The following PTPRR variants were observed in gnomAD, a reference collection of about 807,000 sequenced individuals.
PTPRR encodes the protein receptor-type tyrosine-protein phosphatase R.
In PTPRR, 38 loss-of-function variants were observed where a neutral mutation model predicts 77.2. The observed-to-expected ratio is 0.49, with a 90% CI of 0.38 to 0.65. PTPRR has a LOEUF of 0.65. Among genes scored for constraint, PTPRR ranks in the 30% least tolerant of loss-of-function variants. The pLI, the probability that PTPRR is intolerant of heterozygous loss-of-function variation, is 0.00. For synonymous variants in PTPRR, 299 were observed against 283.1 expected, an observed-to-expected ratio of 1.06 and a Z score of -0.57; for missense variants, 744 against 799.2, an observed-to-expected ratio of 0.93 and a Z score of 0.83.
At chr12:70,766,159 A>C (rs541847762) in intron 2 of PTPRR, among the ~76,000 whole-genome samples, 1 of 152,356 alleles carries the variant, frequency 6.6e-6, no homozygotes, top group South Asian at 2.1e-4. Context: ...ACAAAGCTGG[A>C]CAGAGAATGA....
rs1893352823 is a variant in PTPRR at position 70,892,391 on chromosome 12, GT to G, written c.357+287del. On this transcript the variant is annotated intron_variant, in intron 2 of 13. Coordinates refer to ENST00000283228, the MANE Select transcript of PTPRR (RefSeq NM_002849.4). ...GTACAAGATATAATCAACTATAATT[GT>G]AAGGCCTTCCTAAAGTAATCTTTTA... Among the ~76,000 whole-genome samples, 3 of 152,150 alleles carry G rather than the reference GT, an allele frequency of 2.0e-5. No homozygotes were observed. In the South Asian group the frequency reaches 6.2e-4, roughly 31 times the overall value.
chr12:70,706,570 C>A lies in PTPRR; in HGVS notation c.1008-5247G>T, dbSNP rs527301110. On this transcript the variant is annotated intron_variant, in intron 6 of 13. Coordinates refer to ENST00000283228, the MANE Select transcript of PTPRR (RefSeq NM_002849.4). ...ATTTTCCTACCTGAAAGGACCTACA[C>A]CTCACTAGGTAGAATGTTGCTATGC... Among the ~76,000 whole-genome samples, 6 of 152,168 alleles carry A rather than the reference C, an allele frequency of 3.9e-5. No individual in the cohort carries two copies. The South Asian group carries it at 8.3e-4, about 21-fold the overall frequency.
intron 2 of PTPRR, among the ~76,000 whole-genome samples, chr12:70,839,992 G>T (rs549840190): frequency 2.0e-5 from 3 of 152,138 alleles, no homozygotes; most frequent in Admixed American, 1.3e-4. Context: ...ACTGTCTGCC[G>T]CTGGATTCTG....
rs182696631 is a variant in PTPRR at position 70,805,775 on chromosome 12, G to A, written c.358-40997C>T. Among the ~76,000 whole-genome samples, 159 of 152,278 alleles carry A rather than the reference G, an allele frequency of 1.0e-3. 1 individual carries two copies. The highest frequency in any genetic ancestry group is 3.4e-3 in the African/African-American group (143 of 41,548). ...TCCCATTCTAAGGATGAGGAAATTC[G>A]GATGCATTGCTCAAGATTATATAGG... On this transcript the variant is annotated intron_variant, in intron 2 of 13. Coordinates refer to ENST00000283228, the MANE Select transcript of PTPRR (RefSeq NM_002849.4).
At position 70,765,548 on chromosome 12, in the gene PTPRR, C is replaced by A. The variant is rs546747054; in HGVS notation, c.358-770G>T. On this transcript the variant is annotated intron_variant, in intron 2 of 13. Transcript: ENST00000283228. ...GGAGCCCACCACAGCTCAAGGAGGC[C>A]TGCCTGCCTCTGTAGGCTCCACCTC... is the stretch of plus-strand genomic sequence containing the variant. Among the ~76,000 whole-genome samples, 391 of 152,344 alleles carry A rather than the reference C, an allele frequency of 2.6e-3. 2 individuals carry two copies. Among genetic ancestry groups the A allele is most frequent in the African/African-American group, 9.3e-3 (386 of 41,584 alleles).
intron 2 of PTPRR, among the ~76,000 whole-genome samples, chr12:70,807,100 C>T (rs1055692579): frequency 6.6e-6 from 1 of 152,156 alleles, no homozygotes; most frequent in African/African-American, 2.4e-5. Context: ...TTGTCTCTTT[C>T]CCCTTCCTTC....
chr12:70,654,498 G>A (rs2136660041), intron 13 of PTPRR, among the ~76,000 whole-genome samples: 1 of 152,240 alleles, frequency 6.6e-6, no homozygotes, highest in Non-Finnish European at 1.5e-5. Context: ...TCACGCCACT[G>A]CACTCCAGCT....
At chr12:70,722,577 T>G (rs1198340173) in intron 6 of PTPRR, among the ~76,000 whole-genome samples, 1 of 152,168 alleles carries the variant, frequency 6.6e-6, no homozygotes, top group Non-Finnish European at 1.5e-5. Flanking sequence ...CTTGACTTTG[T>G]GCTTAGCTTT....
At chr12:70,756,382 A>G (rs899732545) in intron 4 of PTPRR, among the ~76,000 whole-genome samples, 1 of 151,994 alleles carries the variant, frequency 6.6e-6, no homozygotes, top group African/African-American at 2.4e-5. Flanking sequence ...CTATATTTGT[A>G]CAGAGATCTA....
intron 10 of PTPRR, among the ~76,000 whole-genome samples, chr12:70,669,975 T>A (rs2136693764): frequency 6.6e-6 from 1 of 152,224 alleles, no homozygotes; most frequent in East Asian, 1.9e-4. Context: ...GTAATTAAAA[T>A]GAATATTTTC....
At chr12:70,752,890 C>T (rs563664212) in intron 5 of PTPRR, among the ~76,000 whole-genome samples, 57 of 152,276 alleles carry the variant, frequency 3.7e-4, no homozygotes, top group African/African-American at 1.1e-3. Context: ...GCCCAGAAGA[C>T]GCTGCCATAA....
chr12:70,746,150 C>A, intron 5 of PTPRR, 64 bp from the exon 6 acceptor site: 1 of 1,469,698 alleles, frequency 6.8e-7, no homozygotes, highest in Non-Finnish European at 9.2e-7. Flanking sequence ...GTATGATCTC[C>A]TCCACCCCAC....
At chr12:70,875,197 T>C (rs1335558947) in intron 2 of PTPRR, among the ~76,000 whole-genome samples, 1 of 152,124 alleles carries the variant, frequency 6.6e-6, no homozygotes, top group Non-Finnish European at 1.5e-5. Context: ...CCCTGGATAT[T>C]ACTGAGACAG....
At chr12:70,867,079 T>C (rs1206108992) in intron 2 of PTPRR, among the ~76,000 whole-genome samples, 1 of 149,888 alleles carries the variant, frequency 6.7e-6, no homozygotes, top group East Asian at 2.0e-4. Context: ...CCACAGCCAA[T>C]ATCATACTGA....
At chr12:70,741,250 G>A (rs1890037167) in intron 6 of PTPRR, among the ~76,000 whole-genome samples, 1 of 152,110 alleles carries the variant, frequency 6.6e-6, no homozygotes, top group African/African-American at 2.4e-5. Context: ...GTGTCCTCAA[G>A]AAGCTTAGAG....
intron 2 of PTPRR, among the ~76,000 whole-genome samples, chr12:70,839,317 ATG>A (rs71817615): frequency 0.26 from 38,409 of 149,888 alleles, 5,389 homozygotes; most frequent in Admixed American, 0.42. Flanking sequence ...TATTCTGGAT[ATG>A]TGTGTGTGTG....
intron 2 of PTPRR, among the ~76,000 whole-genome samples, chr12:70,888,811 C>A (rs1157501770): frequency 6.6e-6 from 1 of 151,986 alleles, no homozygotes; most frequent in South Asian, 2.1e-4. Context: ...TCAACACAGA[C>A]CTATTGTCCC....
rs756143151 is a variant in PTPRR, at chr12:70,726,736, A to T, written c.1007+19082T>A. On this transcript the variant is annotated intron_variant, in intron 6 of 13. Transcript: ENST00000283228. ...GCTGGGATTACAGGTGTATGCCATT[A>T]TGCCAGGCTTATTTTTGTATTTTTA... Among the ~76,000 whole-genome samples the T allele has an allele frequency of 1.4e-4, 22 of 152,138 alleles. No individual in the cohort carries two copies. In the East Asian group the frequency reaches 4.1e-3, roughly 28 times the overall value.
At chr12:70,844,266 A>G (rs1892447338) in intron 2 of PTPRR, among the ~76,000 whole-genome samples, 1 of 152,180 alleles carries the variant, frequency 6.6e-6, no homozygotes, top group Non-Finnish European at 1.5e-5. Flanking sequence ...ATACATTTTG[A>G]GCCTGTTTTA....
Sources: allele counts gnomAD v4.1 joint callset (sites outside exome capture counted in the v4.1 genomes callset), GRCh38; gene constraint gnomAD v4.1.1; transcripts MANE v1.5; gene names NCBI Gene and HGNC (gene_info 2026-07-23, HGNC 2026-07-21).